Variants in COL4A4 observed in about 807,000 individuals in gnomAD.
The protein encoded by COL4A4 is collagen type IV alpha 4 chain.
In COL4A4, 105 loss-of-function variants were observed where a neutral mutation model predicts 192.9. The observed-to-expected ratio is 0.54, with a 90% CI of 0.46 to 0.64. The LOEUF (loss-of-function observed/expected upper bound fraction) is 0.64, where lower values mean the gene tolerates loss of function less well. Among genes scored for constraint, COL4A4 ranks in the 30% least tolerant of loss-of-function variants. COL4A4 has a pLI of 0.00. For missense variants in COL4A4, 1,967 were observed against 2,169.3 expected (o/e 0.91, Z 1.85); for synonymous variants, 762 against 769.9 (o/e 0.99, Z 0.17).
Position 227,051,118 on chromosome 2 carries a change from C to G in COL4A4, c.3009G>C (p.Glu1003Asp). 1.2e-6 allele frequency: 2 copies of G among 1,614,144 alleles called. No individual in the cohort carries two copies. The highest frequency in any genetic ancestry group is 1.7e-6 in the Non-Finnish European group (2 of 1,180,006). The change falls in exon 33 of 48, where the codon GAG (glutamate) becomes GAC (aspartate). Residue 1003 changes from glutamate (E) to aspartate (D), a missense_variant. Glu to Asp is a conservative substitution (Grantham distance 45). Transcript: ENST00000396625. ...ATCCAGGTGGTCCGTATCTTCCCGG[C>G]TCTCCTCTTCTCCCTTGCATCCCGG... ...GTPGMQGRRG[E>D]PGRYGPPGFH...
intron 1 of COL4A4, among the ~76,000 whole-genome samples, chr2:227,153,602 C>T (rs1196201426): frequency 6.6e-6 from 1 of 152,058 alleles, no homozygotes. Context: ...ATAGTACAGA[C>T]AGAATGTGGA....
chr2:227,012,050 T>G (rs549237707), intron 45 of COL4A4, 131 bp downstream of exon 45: 2 of 749,674 alleles, frequency 2.7e-6, no homozygotes, highest in Non-Finnish European at 4.9e-6. Flanking sequence ...CTCTGATACC[T>G]GGTGAGTCAG....
At chr2:227,032,412 G>A in intron 38 of COL4A4, 136 bp from the exon 39 acceptor site, 1 of 929,450 alleles carries the variant, frequency 1.1e-6, no homozygotes, top group South Asian at 1.5e-5. Flanking sequence ...TTGCAGTGGT[G>A]ATCCAAATGT....
chr2:227,062,348 C>G (rs1294859665), intron 26 of COL4A4, among the ~76,000 whole-genome samples, 182 bp downstream of exon 26: 1 of 152,094 alleles, frequency 6.6e-6, no homozygotes, highest in African/African-American at 2.4e-5. Context: ...TGTTCTCAAA[C>G]CAGCAGACTA....
chr2:227,002,168 C>CAAAA (rs55908824), downstream of COL4A4, among the ~76,000 whole-genome samples: 3 of 76,168 alleles, frequency 3.9e-5, no homozygotes, highest in Non-Finnish European at 7.4e-5. Context: ...GACCCTGTCT[C>CAAAA]AAAAAAAAAA....
chr2:227,121,290 G>A, intron 4 of COL4A4, 142 bp from the exon 5 acceptor site: 6 of 985,286 alleles, frequency 6.1e-6, no homozygotes, highest in Non-Finnish European at 9.1e-6. Flanking sequence ...GGCTGGAGAT[G>A]GTGGCTCACA....
chr2:227,108,136 A>C (rs201089697), intron 12 of COL4A4, among the ~76,000 whole-genome samples: 1 of 151,976 alleles, frequency 6.6e-6, no homozygotes. Context: ...TGGCAGGGGG[A>C]GGAGACGGGG....
At chr2:226,976,978 G>C in the COL4A4 span, among the ~76,000 whole-genome samples, 1 of 152,196 alleles carries the variant, frequency 6.6e-6, no homozygotes, top group Non-Finnish European at 1.5e-5. Context: ...GATGGCAGAG[G>C]CCTCTTGTCT....
chr2:226,979,888 A>G, the COL4A4 span, among the ~76,000 whole-genome samples: 1 of 152,248 alleles, frequency 6.6e-6, no homozygotes, highest in Admixed American at 6.5e-5. Flanking sequence ...TGACTCAAAC[A>G]TAGTTGGTGA....
chr2:227,047,265 A>G (rs1267451445), intron 35 of COL4A4, among the ~76,000 whole-genome samples: 5 of 152,014 alleles, frequency 3.3e-5, no homozygotes, highest in Non-Finnish European at 1.5e-5. Flanking sequence ...TGGAAAAATG[A>G]TTGTGAATCC....
At chr2:226,991,288 C>T in the COL4A4 span, among the ~76,000 whole-genome samples, 1 of 152,210 alleles carries the variant, frequency 6.6e-6, no homozygotes, top group Non-Finnish European at 1.5e-5. Context: ...TCAAGCCATT[C>T]ACCTGCCTCA....
intron 25 of COL4A4, among the ~76,000 whole-genome samples, chr2:227,069,458 A>G (rs1048969403): frequency 3.9e-5 from 6 of 152,158 alleles, no homozygotes; most frequent in Non-Finnish European, 8.8e-5. Flanking sequence ...ACACTACCTG[A>G]CTTCAAACTA....
intron 1 of COL4A4, among the ~76,000 whole-genome samples, chr2:227,158,407 A>T (rs2064526883): frequency 6.6e-6 from 1 of 152,164 alleles, no homozygotes; most frequent in Non-Finnish European, 1.5e-5. Context: ...AAATTTCTGC[A>T]ATTTTGGCAT....
intron 35 of COL4A4, among the ~76,000 whole-genome samples, chr2:227,045,780 AT>A (rs1422190566): frequency 8.8e-4 from 76 of 85,984 alleles, no homozygotes; most frequent in African/African-American, 4.5e-3. Context: ...AAAAAAAAAA[AT>A]ACATATATAT....
chr2:226,987,717 T>C, the COL4A4 span, among the ~76,000 whole-genome samples: 1 of 152,222 alleles, frequency 6.6e-6, no homozygotes, highest in Non-Finnish European at 1.5e-5. Flanking sequence ...ACCCCAGATA[T>C]GAACCCACAT....
chr2:227,052,201 A>AG (rs969572333), intron 32 of COL4A4, 104 bp downstream of exon 32: 24 of 747,644 alleles, frequency 3.2e-5, no homozygotes, highest in Admixed American at 1.2e-4. Context: ...CAAAAAAAAA[A>AG]AAGTCTTTTC....
intron 25 of COL4A4, among the ~76,000 whole-genome samples, chr2:227,077,398 A>G (rs1332431555): frequency 6.6e-6 from 1 of 152,186 alleles, no homozygotes; most frequent in East Asian, 1.9e-4. Flanking sequence ...GGAACAGAAA[A>G]CCAAACACCG....
At chr2:227,161,377 G>A (rs2064820449) in intron 1 of COL4A4, among the ~76,000 whole-genome samples, 1 of 152,126 alleles carries the variant, frequency 6.6e-6, no homozygotes, top group Admixed American at 6.5e-5. Flanking sequence ...CTCCTACATG[G>A]CATCAAAGTA....
At chr2:227,090,695 T>G (rs2059869453) in intron 20 of COL4A4, among the ~76,000 whole-genome samples, 1 of 151,842 alleles carries the variant, frequency 6.6e-6, no homozygotes. Context: ...GAGGTTGCAG[T>G]GAGCTGAGAT....
Sources: allele counts gnomAD v4.1 joint callset (sites outside exome capture counted in the v4.1 genomes callset), GRCh38; gene constraint gnomAD v4.1.1; transcripts MANE v1.5; gene names NCBI Gene and HGNC (gene_info 2026-07-23, HGNC 2026-07-21).